The following NDUFAF2 variants were observed in gnomAD, a reference collection of about 807,000 sequenced individuals.
NDUFAF2 encodes NADH dehydrogenase [ubiquinone] 1 alpha subcomplex assembly factor 2.
NDUFAF2 carries 13 observed loss-of-function variants against 22.8 expected under a neutral mutation model. That is an observed-to-expected ratio of 0.57 (90% CI 0.37 to 0.91). The LOEUF (loss-of-function observed/expected upper bound fraction) is 0.91. Among genes scored for constraint, NDUFAF2 ranks in the 40% least tolerant of loss-of-function variants. NDUFAF2 has a pLI of 0.01. For missense variants in NDUFAF2, 162 were observed against 195.2 expected, an observed-to-expected ratio of 0.83 and a Z score of 1.01; for synonymous variants, 53 against 64.2, an observed-to-expected ratio of 0.83 and a Z score of 0.84.
At chr5:61,091,578 G>C (rs1752568993) in intron 2 of NDUFAF2, among the ~76,000 whole-genome samples, 1 of 152,082 alleles carries the variant, frequency 6.6e-6, no homozygotes, top group South Asian at 2.1e-4. Context: ...TTAGACCTTT[G>C]TCAGATGCAT....
chr5:60,949,417 T>C (rs1750510831), intron 1 of NDUFAF2, among the ~76,000 whole-genome samples: 1 of 152,266 alleles, frequency 6.6e-6, no homozygotes, highest in African/African-American at 2.4e-5. Flanking sequence ...TGTTAATGGA[T>C]GTACCAGTTT....
At chr5:60,984,590 G>A (rs1273569921) in intron 1 of NDUFAF2, among the ~76,000 whole-genome samples, 4 of 152,148 alleles carry the variant, frequency 2.6e-5, no homozygotes, top group Non-Finnish European at 4.4e-5. Flanking sequence ...CTAATTTATT[G>A]AGAGTTTTTA....
intron 3 of NDUFAF2, chr5:61,115,999 T>C (rs1752907525): frequency 6.6e-6 from 1 of 152,160 alleles, no homozygotes; most frequent in South Asian, 2.1e-4. Context: ...AGATATACCA[T>C]TCTGAAAAAC....
chr5:60,976,025 T>A (rs1455891328), intron 1 of NDUFAF2, among the ~76,000 whole-genome samples: 1 of 152,234 alleles, frequency 6.6e-6, no homozygotes, highest in Non-Finnish European at 1.5e-5. Flanking sequence ...ATGATCCAAG[T>A]AGCTTGGCCT....
intron 1 of NDUFAF2, among the ~76,000 whole-genome samples, chr5:60,985,018 T>A (rs1390568630): frequency 6.6e-6 from 1 of 152,240 alleles, no homozygotes; most frequent in African/African-American, 2.4e-5. Context: ...TGAATTCGTC[T>A]GGTCCTGGAC....
intron 3 of NDUFAF2, among the ~76,000 whole-genome samples, chr5:61,105,081 C>T (rs1220597040): frequency 6.6e-6 from 1 of 151,508 alleles, no homozygotes; most frequent in South Asian, 2.1e-4. Flanking sequence ...TTCTTTGCTT[C>T]TCGGTTCTGG....
chr5:60,988,394 A>G (rs962402404), intron 1 of NDUFAF2, among the ~76,000 whole-genome samples: 2 of 152,204 alleles, frequency 1.3e-5, no homozygotes, highest in African/African-American at 4.8e-5. Context: ...TAATCAAACT[A>G]CCAATAGCAT....
intron 3 of NDUFAF2, among the ~76,000 whole-genome samples, chr5:61,099,652 AAATTAT>A (rs1441965775): frequency 6.6e-6 from 1 of 151,670 alleles, no homozygotes; most frequent in Non-Finnish European, 1.5e-5. Context: ...TATTTTATAA[AAATTAT>A]AATTTTAATT....
chr5:61,149,838 G>GTCCTTAAGGTCTACAAT (rs1741200908), intron 3 of NDUFAF2, among the ~76,000 whole-genome samples: 1 of 152,148 alleles, frequency 6.6e-6, no homozygotes. Context: ...TTTCTTAAAA[G>GTCCTTAAGGTCTACAAT]TCCTTAAGGT....
chr5:60,960,819 T>C (rs1051368704), intron 1 of NDUFAF2, among the ~76,000 whole-genome samples: 1 of 152,188 alleles, frequency 6.6e-6, no homozygotes, highest in Non-Finnish European at 1.5e-5. Flanking sequence ...GGTGCCTCCA[T>C]CTTGTGGTCC....
At position 61,069,043 on chromosome 5, in the gene NDUFAF2, T is replaced by C. The variant is rs1462168664; in HGVS notation, c.128-4082T>C. Among the ~76,000 whole-genome samples, 4 of 152,074 alleles carry C rather than the reference T, an allele frequency of 2.6e-5. No individual in the cohort carries two copies. The East Asian group carries it at 7.7e-4, about 29-fold the overall frequency. ...GTAATAATAGTACCTCATAGCATTG[T>C]ATAGCTTAAATGAAATTACTCATGC... On this transcript the variant is annotated intron_variant, in intron 1 of 3. Transcript: ENST00000296597.
intron 3 of NDUFAF2, among the ~76,000 whole-genome samples, chr5:61,149,181 G>T (rs1473430793): frequency 6.6e-6 from 1 of 152,122 alleles, no homozygotes. Context: ...ATGTTGGCCA[G>T]GCTGGTATCA....
At position 60,977,844 on chromosome 5, in the gene NDUFAF2, A is replaced by AAG. The variant is rs1281384179; in HGVS notation, c.127+32463_127+32464insGA. ...AGAACAAGACTCTGTCTCAAAAAAA[A>AAG]AAAAAAAAGAAAAGAAGCCACCAGC... is the stretch of plus-strand genomic sequence containing the variant. On this transcript the variant is annotated intron_variant, in intron 1 of 3. Coordinates refer to ENST00000296597, the MANE Select transcript of NDUFAF2 (RefSeq NM_174889.5). 3.3e-5 allele frequency among the ~76,000 whole-genome samples: 5 copies of AAG among 151,700 alleles called. No homozygotes were observed. The East Asian group carries it at 9.7e-4, about 30-fold the overall frequency.
chr5:61,039,442 A>G (rs570433945), intron 1 of NDUFAF2, among the ~76,000 whole-genome samples: 1 of 152,310 alleles, frequency 6.6e-6, no homozygotes, highest in East Asian at 1.9e-4. Context: ...TAGAATCCCA[A>G]AATTTAAAGA....
At chr5:61,011,286 T>C (rs1426561968) in intron 1 of NDUFAF2, among the ~76,000 whole-genome samples, 1 of 152,110 alleles carries the variant, frequency 6.6e-6, no homozygotes, top group Non-Finnish European at 1.5e-5. Context: ...TACTCATGCC[T>C]CCAGCTTCCC....
At chr5:61,063,194 A>G (rs1752187583) in intron 1 of NDUFAF2, among the ~76,000 whole-genome samples, 1 of 152,114 alleles carries the variant, frequency 6.6e-6, no homozygotes, top group Non-Finnish European at 1.5e-5. Context: ...AATCTCTAGT[A>G]TAAAGGCTAA....
intron 3 of NDUFAF2, among the ~76,000 whole-genome samples, chr5:61,145,008 G>A (rs967298949): frequency 6.6e-6 from 1 of 152,178 alleles, no homozygotes; most frequent in Non-Finnish European, 1.5e-5. Flanking sequence ...GGGACTGTAT[G>A]ATTGGAGCAG....
Position 60,957,351 on chromosome 5 carries a change from C to T in NDUFAF2, c.127+11969C>T, listed in dbSNP as rs78517300. Among the ~76,000 whole-genome samples, 23 of 152,188 alleles carry T rather than the reference C, an allele frequency of 1.5e-4. No individual in the cohort carries two copies. In the East Asian group the frequency reaches 4.5e-3, roughly 29 times the overall value. On this transcript the variant is annotated intron_variant, in intron 1 of 3. Transcript: ENST00000296597. ...AACATTTCAGTATGTATCTTTTAAACACAAGCACTCCTGTTTTTAAATGTA... is the reference window on the plus strand; with the variant it reads ...AACATTTCAGTATGTATCTTTTAAATACAAGCACTCCTGTTTTTAAATGTA...
intron 1 of NDUFAF2, among the ~76,000 whole-genome samples, chr5:61,032,179 C>A (rs1751736123): frequency 6.6e-6 from 1 of 152,118 alleles, no homozygotes; most frequent in Admixed American, 6.5e-5. Context: ...TGTAGGTTGC[C>A]TGTTCATGCT....
Sources: allele counts gnomAD v4.1 joint callset (sites outside exome capture counted in the v4.1 genomes callset), GRCh38; gene constraint gnomAD v4.1.1; transcripts MANE v1.5; gene names NCBI Gene and HGNC (gene_info 2026-07-23, HGNC 2026-07-21).